WDR1: variants seen among roughly 807,000 people sequenced by gnomAD.
WDR1 encodes WD repeat domain 1.
In WDR1, 21 loss-of-function variants were observed where a neutral mutation model predicts 71.9. That is an observed-to-expected ratio of 0.29 (90% CI 0.21 to 0.42). The LOEUF (loss-of-function observed/expected upper bound fraction) is 0.42. Ranked by LOEUF, WDR1 falls within the 10% of genes least tolerant of loss-of-function variation. The pLI is 1.00. For synonymous variants in WDR1, 424 were observed against 347.4 expected (o/e 1.22, Z -2.45); for missense variants, 696 against 824.5 (o/e 0.84, Z 1.91).
At chr4:10,109,039 T>C (rs1368719526) in intron 2 of WDR1, among the ~76,000 whole-genome samples, 1 of 152,268 alleles carries the variant, frequency 6.6e-6, no homozygotes, top group Non-Finnish European at 1.5e-5. Flanking sequence ...TAGCTGTTTA[T>C]CAAGAAACAA....
At chr4:10,077,233 C>A in intron 14 of WDR1, 71 bp downstream of exon 14, 4 of 1,589,000 alleles carry the variant, frequency 2.5e-6, no homozygotes, top group Non-Finnish European at 3.4e-6. Flanking sequence ...AGCCAGGGGA[C>A]AGCCTGTGAG....
intron 11 of WDR1, among the ~76,000 whole-genome samples, chr4:10,080,866 GA>G (rs1764987811): frequency 6.6e-6 from 1 of 152,270 alleles, no homozygotes; most frequent in South Asian, 2.1e-4. Flanking sequence ...TCATCTGTAA[GA>G]GGAACCAAGA....
chr4:10,079,024 G>A lies in WDR1; in HGVS notation c.1285-23C>T, dbSNP rs749645941. ...AATCTGTGGCACACACAGGCAGCTG[G>A]TCAGGCGGTCCAGCCCTTCGGGACA... is the stretch of plus-strand genomic sequence containing the variant. On this transcript the variant is annotated intron_variant, in intron 11 of 14. Coordinates refer to ENST00000499869, the MANE Select transcript of WDR1 (RefSeq NM_017491.5). 8.9e-6 allele frequency: 14 copies of A among 1,572,916 alleles called. No homozygotes were observed. In the South Asian group the frequency reaches 1.6e-4, roughly 18 times the overall value.
chr4:10,110,843 G>A (rs1017566847), intron 2 of WDR1, among the ~76,000 whole-genome samples: 2 of 152,246 alleles, frequency 1.3e-5, no homozygotes, highest in African/African-American at 2.4e-5. Flanking sequence ...TCAGATACCA[G>A]TGGCACAAAA....
At chr4:10,108,154 C>G (rs993107862) in intron 2 of WDR1, 11 of 152,244 alleles carry the variant, frequency 7.2e-5, no homozygotes, top group African/African-American at 2.4e-4. Context: ...TTCCGTAACT[C>G]TGTTATGCCC....
chr4:10,116,788 C>G lies in WDR1; in HGVS notation c.-122G>C, dbSNP rs548481776. 6 of 1,175,234 alleles carry G rather than the reference C, an allele frequency of 5.1e-6. No homozygotes were observed. The highest frequency in any genetic ancestry group is 6.4e-6 in the Non-Finnish European group (6 of 936,168). The allele number at this position is 1,175,234 out of a possible 1,614,324, so 72.8% of individuals were successfully genotyped here. On this transcript the variant is annotated 5_prime_UTR_variant, in exon 1 of 15. Transcript: ENST00000499869. Reference sequence around the variant, plus strand: ...AGCCGGAAGGCGGCACCGGGCGTGCCGGGAGTGGAGTGGGCGGTCCGAGGC... The same window carrying G: ...AGCCGGAAGGCGGCACCGGGCGTGCGGGGAGTGGAGTGGGCGGTCCGAGGC...
intron 2 of WDR1, among the ~76,000 whole-genome samples, chr4:10,113,364 A>T (rs1178032166): frequency 6.6e-6 from 1 of 152,240 alleles, no homozygotes; most frequent in Non-Finnish European, 1.5e-5. Flanking sequence ...ACCTCAAATT[A>T]AAAAAGAAAA....
At chr4:10,103,309 C>G (rs952695420) in intron 3 of WDR1, among the ~76,000 whole-genome samples, 7 of 151,838 alleles carry the variant, frequency 4.6e-5, no homozygotes, top group African/African-American at 9.7e-5. Flanking sequence ...CACACACACA[C>G]ACACACACAC....
At chr4:10,111,229 C>A (rs2108805216) in intron 2 of WDR1, among the ~76,000 whole-genome samples, 1 of 152,296 alleles carries the variant, frequency 6.6e-6, no homozygotes, top group East Asian at 1.9e-4. Context: ...CACCACTGCA[C>A]ACCAGCACTT....
rs1712549937 is a variant in WDR1 at position 10,099,289 on chromosome 4, C to T, written c.230-150G>A. The T allele has an allele frequency of 1.2e-5, 8 of 665,358 alleles. No homozygotes were observed. The Middle Eastern group carries it at 2.1e-3, about 173-fold the overall frequency. 41.2% of individuals were successfully genotyped at this position (665,358 alleles called of 1,614,324 possible). A position where few individuals can be genotyped will look rare whatever the true frequency, so the allele number is the denominator to read the frequency against. Reference sequence around the variant, plus strand: ...TGCTTAGGCTTTCTAGAGGAAAAGGCCTAGTGAAGAGAACGTGTCTTAGGG... The same window carrying T: ...TGCTTAGGCTTTCTAGAGGAAAAGGTCTAGTGAAGAGAACGTGTCTTAGGG... On this transcript the variant is annotated intron_variant, in intron 3 of 14. Transcript: ENST00000499869.
chr4:10,088,398 G>C lies in WDR1; in HGVS notation c.637-25C>G, dbSNP rs375857285. ...TCTTCCAAGAAATAAAAACATGTGG[G>C]TCATGTGTGTGTGAACACCCTCTGG... On this transcript the variant is annotated intron_variant, in intron 6 of 14. Transcript: ENST00000499869. 3.6e-5 allele frequency: 56 copies of C among 1,547,824 alleles called. No homozygotes were observed. In the African/African-American group the frequency reaches 6.6e-4, roughly 18 times the overall value.
At chr4:10,116,597 C>T (rs1384203584) in intron 1 of WDR1, 54 bp downstream of exon 1, 2 of 1,162,686 alleles carry the variant, frequency 1.7e-6, no homozygotes, top group African/African-American at 3.2e-5. Context: ...GGGCCGGGGA[C>T]CGGGGCCGGG....
At chr4:10,110,383 G>A (rs929531636) in intron 2 of WDR1, among the ~76,000 whole-genome samples, 15 of 152,294 alleles carry the variant, frequency 9.8e-5, no homozygotes, top group Admixed American at 6.5e-4. Context: ...GTAGTCTTAC[G>A]CATGAGGCTA....
rs2108797525 is a variant in WDR1, at chr4:10,103,985, T to C, written c.140A>G (p.Asn47Ser). ...GKCVILRNID[N>S]PALADIYTEH... ...TGTGTAGATGTCAGCAAGGGCTGGG[T>C]TCTGCAGGAGGAGACCCCGGAATGA... The change falls in exon 3 of 15, where the codon AAC becomes AGC. Residue 47 changes from asparagine to serine, a missense_variant and splice_region_variant. By Grantham distance (46) the Asn-to-Ser change is conservative. Coordinates refer to ENST00000499869, the MANE Select transcript of WDR1 (RefSeq NM_017491.5). The C allele has an allele frequency of 6.3e-7, 1 of 1,596,120 alleles. No individual in the cohort carries two copies. Among genetic ancestry groups the C allele is most frequent in the East Asian group, 2.3e-5 (1 of 44,086 alleles).
At chr4:10,081,501 T>C (rs896989821) in intron 10 of WDR1, 57 bp from the exon 11 acceptor site, 2 of 1,526,914 alleles carry the variant, frequency 1.3e-6, no homozygotes, top group Non-Finnish European at 1.8e-6. Flanking sequence ...AGGGTAGGTA[T>C]GCATACATAT....
intron 2 of WDR1, among the ~76,000 whole-genome samples, chr4:10,110,556 T>A (rs1283814634): frequency 1.3e-5 from 2 of 152,248 alleles, no homozygotes; most frequent in Non-Finnish European, 1.5e-5. Flanking sequence ...CTGCCGTGTG[T>A]CTCAACGCTC....
At chr4:10,086,089 A>G (rs989463745) in intron 8 of WDR1, among the ~76,000 whole-genome samples, 14 of 152,194 alleles carry the variant, frequency 9.2e-5, no homozygotes, top group Non-Finnish European at 1.5e-4. Flanking sequence ...ACACCTGGAG[A>G]ACACTGTCGG....
At chr4:10,093,151 C>T in intron 5 of WDR1, 1 of 1,289,380 alleles carries the variant, frequency 7.8e-7, no homozygotes, top group Non-Finnish European at 1.0e-6. Context: ...CTGTCTCCAG[C>T]ACACACATGC....
intron 2 of WDR1, among the ~76,000 whole-genome samples, chr4:10,114,621 G>A (rs1336126751): frequency 6.6e-6 from 1 of 152,224 alleles, no homozygotes; most frequent in African/African-American, 2.4e-5. Flanking sequence ...GATTTTATTT[G>A]CCAAACTACT....
Sources: gnomAD v4.1 joint callset for allele counts (sites outside exome capture counted in the v4.1 genomes callset) on GRCh38, gnomAD v4.1.1 for gene constraint, MANE v1.5 for transcripts, NCBI Gene and HGNC (gene_info 2026-07-23, HGNC 2026-07-21) for gene names.